Variants in TRPM7 observed in about 807,000 individuals in gnomAD.
TRPM7 encodes transient receptor potential cation channel subfamily M member 7, also known as LTRPC ion channel family member 7.
In TRPM7, 134 loss-of-function variants were observed where a neutral mutation model predicts 229.7. That is an observed-to-expected ratio of 0.58 (90% confidence interval 0.51 to 0.67). The LOEUF (loss-of-function observed/expected upper bound fraction) is 0.67. Ranked by LOEUF, TRPM7 falls within the 30% of genes least tolerant of loss-of-function variation. The pLI, the probability that TRPM7 is intolerant of heterozygous loss-of-function variation, is 0.00. For missense variants in TRPM7, 1,901 were observed against 2,210.0 expected (o/e 0.86, Z 2.80); for synonymous variants, 699 against 715.2 (o/e 0.98, Z 0.36).
intron 13 of TRPM7, among the ~76,000 whole-genome samples, chr15:50,619,332 C>G (rs1344047093): frequency 6.6e-6 from 1 of 151,734 alleles, no homozygotes; most frequent in African/African-American, 2.4e-5. Context: ...GTGATCCTCC[C>G]ACCTCAGCCT....
intron 28 of TRPM7, 84 bp downstream of exon 28, chr15:50,586,308 C>G: frequency 1.1e-6 from 1 of 892,574 alleles, no homozygotes; most frequent in Non-Finnish European, 1.8e-6. Flanking sequence ...CCATTCACTG[C>G]TCATGTGTTT....
chr15:50,637,272 T>G, intron 7 of TRPM7, 150 bp downstream of exon 7: 2 of 661,726 alleles, frequency 3.0e-6, no homozygotes, highest in Non-Finnish European at 4.7e-6. Context: ...GTCTTATCAT[T>G]TTGTCTAAGA....
At chr15:50,634,708 CTTGACT>C in intron 7 of TRPM7, 152 bp from the exon 8 acceptor site, 1 of 544,676 alleles carries the variant, frequency 1.8e-6, no homozygotes, top group East Asian at 3.6e-5. Context: ...ACTATGTTGA[CTTGACT>C]TTAAGCACTC....
intron 12 of TRPM7, 23 bp from the exon 13 acceptor site, chr15:50,619,821 C>T (rs755591137): frequency 1.8e-5 from 29 of 1,583,464 alleles, no homozygotes; most frequent in Non-Finnish European, 2.5e-5. Context: ...AAAGTTACAG[C>T]AAACTATTAT....
intron 25 of TRPM7, among the ~76,000 whole-genome samples, chr15:50,593,323 G>A (rs965601147): frequency 4.0e-5 from 6 of 151,588 alleles, no homozygotes; most frequent in Non-Finnish European, 7.4e-5. Flanking sequence ...TAATAATAAT[G>A]ATGATAATAA....
At chr15:50,620,864 G>A (rs760017866) in intron 12 of TRPM7, among the ~76,000 whole-genome samples, 2 of 151,686 alleles carry the variant, frequency 1.3e-5, no homozygotes, top group African/African-American at 2.4e-5. Context: ...CCCGGGAGGC[G>A]GAGGTTGCGG....
At chr15:50,608,783 G>C (rs1215849727) in intron 19 of TRPM7, among the ~76,000 whole-genome samples, 1 of 152,172 alleles carries the variant, frequency 6.6e-6, no homozygotes, top group African/African-American at 2.4e-5. Context: ...TCTTCATTAA[G>C]GGTTTTCCTA....
Position 50,672,273 on chromosome 15 carries a change from G to A in TRPM7, c.4-9227C>T, listed in dbSNP as rs547927955. Among the ~76,000 whole-genome samples the A allele has an allele frequency of 2.0e-5, 3 of 151,940 alleles. No homozygotes were observed. The East Asian group carries it at 5.9e-4, about 30-fold the overall frequency. On this transcript the variant is annotated intron_variant, in intron 1 of 38. Transcript: ENST00000646667. ...TCACCATGTTAGCCAGGATGTTCTG[G>A]ATCTCCTGACCTCGTGACGTGATCC...
chr15:50,656,021 A>C (rs562674053), intron 3 of TRPM7, among the ~76,000 whole-genome samples: 1 of 141,820 alleles, frequency 7.1e-6, no homozygotes, highest in East Asian at 2.1e-4. Flanking sequence ...AAAAAAAAAA[A>C]CCCCTGCTGC....
At chr15:50,593,261 C>G (rs977752511) in intron 25 of TRPM7, among the ~76,000 whole-genome samples, 8 of 151,656 alleles carry the variant, frequency 5.3e-5, no homozygotes, top group Non-Finnish European at 2.9e-5. Context: ...TGTACTCCAG[C>G]CGGGGCAAAA....
chr15:50,666,445 G>A (rs973574189), intron 1 of TRPM7, among the ~76,000 whole-genome samples: 6 of 151,482 alleles, frequency 4.0e-5, no homozygotes, highest in Non-Finnish European at 7.4e-5. Context: ...GGGAGAAGAA[G>A]GTAGAAGGGA....
chr15:50,655,457 A>G (rs12911754), intron 3 of TRPM7, among the ~76,000 whole-genome samples: 1 of 143,034 alleles, frequency 7.0e-6, no homozygotes, highest in Non-Finnish European at 1.6e-5. Flanking sequence ...ACAAAAAAAC[A>G]AAAAACCTTC....
intron 3 of TRPM7, among the ~76,000 whole-genome samples, chr15:50,651,489 A>T (rs1206734557): frequency 1.3e-5 from 2 of 151,850 alleles, no homozygotes; most frequent in East Asian, 1.9e-4. Flanking sequence ...AATAAAAATA[A>T]AAAAAATTTA....
chr15:50,640,446 T>A (rs1489597985), intron 5 of TRPM7, among the ~76,000 whole-genome samples: 2 of 146,100 alleles, frequency 1.4e-5, no homozygotes, highest in African/African-American at 2.6e-5. Context: ...CGGGGTAATT[T>A]TTTTTTCTTT....
intron 13 of TRPM7, among the ~76,000 whole-genome samples, chr15:50,615,615 G>A (rs1034671815): frequency 2.6e-5 from 4 of 151,974 alleles, no homozygotes; most frequent in African/African-American, 9.7e-5. Context: ...ATTATGTCAT[G>A]AACTTGTTTT....
At chr15:50,623,488 C>CA (rs1491231732) in intron 12 of TRPM7, among the ~76,000 whole-genome samples, 1 of 85,516 alleles carries the variant, frequency 1.2e-5, no homozygotes, top group Non-Finnish European at 2.6e-5. Context: ...TGCTGCCCCG[C>CA]CCCCTCCCCG....
chr15:50,591,401 A>G (rs969647580), intron 26 of TRPM7, among the ~76,000 whole-genome samples: 1 of 152,242 alleles, frequency 6.6e-6, no homozygotes, highest in Non-Finnish European at 1.5e-5. Context: ...TTCAAATTCA[A>G]AAGACAGAAC....
chr15:50,587,808 G>T (rs1020520248), intron 27 of TRPM7, among the ~76,000 whole-genome samples: 2 of 152,068 alleles, frequency 1.3e-5, no homozygotes, highest in South Asian at 4.2e-4. Context: ...TAAAACTTAT[G>T]AAAGTCCATA....
At chr15:50,630,484 G>A (rs892723331) in intron 10 of TRPM7, among the ~76,000 whole-genome samples, 4 of 151,974 alleles carry the variant, frequency 2.6e-5, no homozygotes, top group Non-Finnish European at 5.9e-5. Context: ...TGTTATATCT[G>A]TTGGATGTCT....
Sources: gnomAD v4.1 joint callset for allele counts (sites outside exome capture counted in the v4.1 genomes callset) on GRCh38, gnomAD v4.1.1 for gene constraint, MANE v1.5 for transcripts, NCBI Gene and HGNC (gene_info 2026-07-23, HGNC 2026-07-21) for gene names.